Variants in RGL1 observed in about 807,000 individuals in gnomAD.
RGL1 encodes the protein ral guanine nucleotide dissociation stimulator like 1, also known as ral guanine nucleotide dissociation stimulator-like 1.
In RGL1, 24 loss-of-function variants were observed where a neutral mutation model predicts 95.2. The observed-to-expected ratio is 0.25, with a 90% CI of 0.18 to 0.35. The LOEUF is 0.35. Among genes scored for constraint, RGL1 ranks in the 10% least tolerant of loss-of-function variants. RGL1 has a pLI of 1.00. For synonymous variants in RGL1, 329 were observed against 344.9 expected (o/e 0.95, Z 0.51); for missense variants, 715 against 936.3 (o/e 0.76, Z 3.08).
chr1:183,845,142 T>A (rs1373079443), intron 2 of RGL1, among the ~76,000 whole-genome samples: 1 of 151,334 alleles, frequency 6.6e-6, no homozygotes, highest in Non-Finnish European at 1.5e-5. Flanking sequence ...AATTTTCACA[T>A]GTGACTATTT....
chr1:183,884,474 C>G (rs898142423), intron 6 of RGL1, among the ~76,000 whole-genome samples: 15 of 152,178 alleles, frequency 9.9e-5, no homozygotes, highest in Admixed American at 5.9e-4. Context: ...GTGGCTTTAG[C>G]TCTTCTGCTT....
intron 1 of RGL1, among the ~76,000 whole-genome samples, chr1:183,722,941 A>G (rs1327577689): frequency 6.6e-6 from 1 of 152,230 alleles, no homozygotes; most frequent in Non-Finnish European, 1.5e-5. Flanking sequence ...AAAAATTTTA[A>G]AAAGGCAACA....
intron 2 of RGL1, among the ~76,000 whole-genome samples, chr1:183,829,110 G>A (rs1229347928): frequency 6.6e-6 from 1 of 152,048 alleles, no homozygotes; most frequent in East Asian, 1.9e-4. Flanking sequence ...TTGGAGGTGG[G>A]GCCCGTGAAT....
chr1:183,693,509 T>A (rs1654078985), intron 1 of RGL1, among the ~76,000 whole-genome samples: 1 of 151,464 alleles, frequency 6.6e-6, no homozygotes, highest in Admixed American at 6.6e-5. Context: ...TTTCGATCAT[T>A]CCTCCCCTCC....
At chr1:183,662,087 A>G (rs1651673994) in intron 1 of RGL1, among the ~76,000 whole-genome samples, 1 of 150,574 alleles carries the variant, frequency 6.6e-6, no homozygotes, top group African/African-American at 2.5e-5. Context: ...ATCTATGACA[A>G]ACCCACAGCC....
At chr1:183,792,633 C>T (rs976895187) in intron 2 of RGL1, among the ~76,000 whole-genome samples, 1 of 151,970 alleles carries the variant, frequency 6.6e-6, no homozygotes, top group Non-Finnish European at 1.5e-5. Context: ...ACAAAATCAA[C>T]ATACAAAAAT....
chr1:183,754,252 TC>T (rs1658201459), intron 2 of RGL1, among the ~76,000 whole-genome samples: 2 of 152,268 alleles, frequency 1.3e-5, no homozygotes, highest in Non-Finnish European at 1.5e-5. Flanking sequence ...GCTGAGGGAA[TC>T]ACATTTTAGG....
intron 1 of RGL1, among the ~76,000 whole-genome samples, chr1:183,669,940 C>T (rs1480887937): frequency 1.3e-5 from 2 of 152,158 alleles, no homozygotes; most frequent in Non-Finnish European, 1.5e-5. Context: ...GGGGTAACCA[C>T]CCCTATGATT....
chr1:183,775,770 G>A lies in RGL1; in HGVS notation c.133-30605G>A, dbSNP rs142151368. ...ATAGCAAGGACTTGATATTATTTCCGTTTTTCTTCACTTTAGTTAACTCAG... is the reference window on the plus strand; with the variant it reads ...ATAGCAAGGACTTGATATTATTTCCATTTTTCTTCACTTTAGTTAACTCAG... On this transcript the variant is annotated intron_variant, in intron 2 of 18. Coordinates refer to the RGL1 transcript ENST00000304685. Among the ~76,000 whole-genome samples, 68 of 152,188 alleles carry A rather than the reference G, an allele frequency of 4.5e-4. No homozygotes were observed. The East Asian group carries it at 6.4e-3, about 14-fold the overall frequency.
At chr1:183,895,177 G>C (rs1667619847) in intron 9 of RGL1, among the ~76,000 whole-genome samples, 2 of 152,178 alleles carry the variant, frequency 1.3e-5, no homozygotes, top group South Asian at 2.1e-4. Context: ...TGTTACAACT[G>C]TGACAGTTCT....
At chr1:183,834,780 G>C (rs557183497) in intron 2 of RGL1, among the ~76,000 whole-genome samples, 56 of 151,898 alleles carry the variant, frequency 3.7e-4, no homozygotes, top group Non-Finnish European at 7.8e-4. Context: ...CCTTGTACTC[G>C]TCCGTTCAAG....
rs114653797 is a variant in RGL1, at chr1:183,641,966, A to G, written c.-33+5465A>G. Among the ~76,000 whole-genome samples, 1,218 of 152,330 alleles carry G rather than the reference A, an allele frequency of 8.0e-3. 18 individuals carry two copies. Among genetic ancestry groups the G allele is most frequent in the African/African-American group, 0.027 (1,128 of 41,590 alleles). ...CAAAATATTTTCTTATAATTATTTT[A>G]GTATCTTCCATGACCATGGACGTTT... On this transcript the variant is annotated intron_variant, in intron 1 of 18. Coordinates refer to the RGL1 transcript ENST00000304685.
At chr1:183,704,667 C>A (rs1232120880) in intron 1 of RGL1, among the ~76,000 whole-genome samples, 1 of 152,040 alleles carries the variant, frequency 6.6e-6, no homozygotes, top group Non-Finnish European at 1.5e-5. Flanking sequence ...AGAGTGTAGC[C>A]AGGTTTAGAC....
chr1:183,918,659 A>G (rs1316337473), intron 16 of RGL1, among the ~76,000 whole-genome samples: 1 of 152,178 alleles, frequency 6.6e-6, no homozygotes, highest in African/African-American at 2.4e-5. Flanking sequence ...TAGTGAGCAG[A>G]AGATCCCCTG....
At chr1:183,740,003 C>T (rs548135425) in intron 1 of RGL1, among the ~76,000 whole-genome samples, 1 of 152,290 alleles carries the variant, frequency 6.6e-6, no homozygotes, top group South Asian at 2.1e-4. Context: ...GGTTTGTTTC[C>T]ATAATATACG....
intron 1 of RGL1, among the ~76,000 whole-genome samples, chr1:183,643,869 A>G (rs956225904): frequency 6.6e-5 from 10 of 152,188 alleles, no homozygotes; most frequent in Admixed American, 1.3e-4. Flanking sequence ...ACAATGTTCT[A>G]TTGCCTTGGG....
intron 3 of RGL1, 112 bp downstream of exon 3, chr1:183,847,886 A>G: frequency 1.3e-6 from 1 of 761,936 alleles, no homozygotes; most frequent in Non-Finnish European, 2.2e-6. Context: ...ATGTGAGGAA[A>G]GATTAACGGG....
At chr1:183,765,408 C>T (rs955903668) in intron 2 of RGL1, among the ~76,000 whole-genome samples, 3 of 152,060 alleles carry the variant, frequency 2.0e-5, no homozygotes, top group Non-Finnish European at 2.9e-5. Flanking sequence ...AGAAATATGC[C>T]TCATTTCTGT....
Position 183,926,892 on chromosome 1 carries a change from T to C in RGL1, c.*600T>C, listed in dbSNP as rs1160154167. On this transcript the variant is annotated 3_prime_UTR_variant, in exon 18 of 18. Coordinates refer to ENST00000360851, the MANE Select transcript of RGL1 (RefSeq NM_001297671.3). Reference sequence around the variant, plus strand: ...CCACAGGCTGTATGAAAGGCCACTTTGGAAAGGGTTTGGATGAGCTGGTGG... The same window carrying C: ...CCACAGGCTGTATGAAAGGCCACTTCGGAAAGGGTTTGGATGAGCTGGTGG... 6.6e-6 allele frequency: 1 copy of C among 152,640 alleles called. No individual in the cohort carries two copies. The highest frequency in any genetic ancestry group is 1.5e-5 in the Non-Finnish European group (1 of 68,046). The allele number at this position is 152,640 out of a possible 1,614,324, so 9.5% of individuals were successfully genotyped here.
Sources: gnomAD v4.1 joint callset for allele counts (sites outside exome capture counted in the v4.1 genomes callset) on GRCh38, gnomAD v4.1.1 for gene constraint, MANE v1.5 for transcripts, NCBI Gene and HGNC (gene_info 2026-07-23, HGNC 2026-07-21) for gene names.